Variants in F5 observed in about 807,000 individuals in gnomAD.
F5 encodes the protein coagulation factor V.
A neutral mutation model predicts 216.4 loss-of-function variants in F5; 138 were observed. That is an observed-to-expected ratio of 0.64 (90% CI 0.56 to 0.73). F5 has a LOEUF of 0.73. Ranked by LOEUF, F5 falls within the 30% of genes least tolerant of loss-of-function variation. The pLI is 0.00. For missense variants in F5, 2,403 were observed against 2,674.0 expected (o/e 0.90, Z 2.24); for synonymous variants, 916 against 930.7 (o/e 0.98, Z 0.29).
At position 169,555,342 on chromosome 1, in the gene F5, T is replaced by A. The variant is rs1409754449; in HGVS notation, c.958A>T (p.Met320Leu). Residue 320 changes from methionine to leucine, a missense_variant, in exon 7 of 25, where the codon ATG (methionine) becomes TTG (leucine). Around this residue, in one of 4 missense-constraint regions of F5, gnomAD observed 1,425 missense variants for 1,554.8 expected, o/e 0.92. Coordinates refer to ENST00000367797, the MANE Select transcript of F5 (RefSeq NM_000130.5). ...SLTPKHLQAG[M>L]QAYIDIKNCP... is the part of the protein sequence containing the mutation. ...TTTTTAATGTCAATGTAAGCCTGCA[T>A]CCCAGCTGAGTTAGGACAGAAAGAC... The A allele has an allele frequency of 1.2e-6, 2 of 1,613,924 alleles. No homozygotes were observed. Among genetic ancestry groups the A allele is most frequent in the Non-Finnish European group, 1.7e-6 (2 of 1,179,986 alleles).
Position 169,526,021 on chromosome 1 carries a change from A to G in F5, c.5600-4T>C. 1 of 1,594,804 alleles carries G rather than the reference A, an allele frequency of 6.3e-7. No individual in the cohort carries two copies. The highest frequency in any genetic ancestry group is 1.1e-5 in the South Asian group (1 of 90,650). On this transcript the variant is annotated splice_region_variant and splice_polypyrimidine_tract_variant and intron_variant, in intron 17 of 24. Coordinates refer to ENST00000367797, the MANE Select transcript of F5 (RefSeq NM_000130.5). ...ATTTCAAGAGTTTTAAATGAACCTA[A>G]AATAAAAAGAACAACATTACATTTG... is the stretch of plus-strand genomic sequence containing the variant.
At chr1:169,544,664 A>T in intron 11 of F5, 156 bp from the exon 12 acceptor site, 2 of 677,552 alleles carry the variant, frequency 3.0e-6, no homozygotes, top group Non-Finnish European at 5.2e-6. Context: ...TGACTAGAAG[A>T]TCAAACTCAG....
intron 5 of F5, among the ~76,000 whole-genome samples, chr1:169,558,112 G>A (rs958406517): frequency 3.9e-5 from 6 of 152,244 alleles, no homozygotes; most frequent in Admixed American, 2.0e-4. Flanking sequence ...ACTCTGCCAG[G>A]AAATAGATGT....
At chr1:169,571,785 G>A (rs927549753) in intron 3 of F5, among the ~76,000 whole-genome samples, 2 of 152,108 alleles carry the variant, frequency 1.3e-5, no homozygotes, top group Admixed American at 1.3e-4. Flanking sequence ...AAAAAAATAG[G>A]TATCGTCTAT....
At chr1:169,538,535 A>G (rs1659758310) in intron 13 of F5, among the ~76,000 whole-genome samples, 2 of 152,338 alleles carry the variant, frequency 1.3e-5, no homozygotes, top group South Asian at 2.1e-4. Context: ...GCCAATTCAC[A>G]ATTTATAAAT....
rs767725359 is a variant in F5, at chr1:169,540,850, C to T, written c.4240G>A (p.Asp1414Asn). 6.2e-7 allele frequency: 1 copy of T among 1,611,868 alleles called. No individual in the cohort carries two copies. The highest frequency in any genetic ancestry group is 8.5e-7 in the Non-Finnish European group (1 of 1,179,048). ...PDLDQMTLSP[D>N]LGETDLSPNF... ...GGGGAAAGATCTGTCTCACCAAGGT[C>T]TGGAGAAAGTGTCATCTGGTCGAGG... The change falls in exon 13 of 25, where the codon GAC (aspartate) becomes AAC (asparagine). Residue 1414 changes from aspartate (D) to asparagine (N), a missense_variant. This residue lies in a region of F5 where 293 missense variants were observed against 270.8 expected (regional missense o/e 1.08). Transcript: ENST00000367797.
At chr1:169,519,955 G>A (rs1659255219) in intron 22 of F5, among the ~76,000 whole-genome samples, 1 of 152,078 alleles carries the variant, frequency 6.6e-6, no homozygotes, top group African/African-American at 2.4e-5. Flanking sequence ...ATGATTACCT[G>A]GATTTATTTA....
chr1:169,542,216 T>C lies in F5; in HGVS notation c.2874A>G (p.Ile958Met), dbSNP rs1488740730. The C allele has an allele frequency of 4.3e-6, 7 of 1,614,110 alleles. No homozygotes were observed. Among genetic ancestry groups the C allele is most frequent in the South Asian group, 3.3e-5 (3 of 91,080 alleles). ...HLASEKGSYE[I>M]IQDTDEDTAV... ...CTGTGTCTTCATCAGTATCTTGGAT[T>C]ATTTCATAGCTACCTTTCTCAGAAG... Residue 958 changes from isoleucine (I) to methionine (M), a missense_variant, in exon 13 of 25, where the codon ATA becomes ATG. Physicochemically the swap from Ile to Met is conservative, Grantham distance 10 (BLOSUM62 1). Coordinates refer to ENST00000367797, the MANE Select transcript of F5 (RefSeq NM_000130.5).
intron 3 of F5, among the ~76,000 whole-genome samples, chr1:169,568,893 T>C (rs377488306): frequency 3.6e-4 from 55 of 152,244 alleles, no homozygotes; most frequent in African/African-American, 1.3e-3. Context: ...CTTATTTTTG[T>C]GAACAACTCT....
At chr1:169,557,950 A>T (rs976414757) in intron 5 of F5, among the ~76,000 whole-genome samples, 5 of 152,060 alleles carry the variant, frequency 3.3e-5, no homozygotes. Context: ...CTTAGTTTCT[A>T]CTGATGGTCT....
At chr1:169,567,150 A>C (rs1171195644) in intron 3 of F5, among the ~76,000 whole-genome samples, 3 of 151,652 alleles carry the variant, frequency 2.0e-5, no homozygotes, top group Non-Finnish European at 4.4e-5. Flanking sequence ...GTATCCTCAC[A>C]TGGTAGAAAG....
chr1:169,526,761 C>A (rs1417921469), intron 17 of F5, among the ~76,000 whole-genome samples: 2 of 152,042 alleles, frequency 1.3e-5, no homozygotes, highest in East Asian at 3.8e-4. Context: ...AGTCTGTCTG[C>A]AGGCTGATAG....
chr1:169,539,592 C>A (rs1449880483), intron 13 of F5, among the ~76,000 whole-genome samples: 2 of 152,146 alleles, frequency 1.3e-5, no homozygotes, highest in Non-Finnish European at 2.9e-5. Context: ...ATAAGTCACA[C>A]CATACATTGT....
In F5 at chr1:169,512,194, T is replaced by C. The variant is rs960860890; in HGVS notation, c.*2119A>G. Reference sequence around the variant, plus strand: ...AGGGATATGATCATTTGGTTTCTGGTTTCAGTTCTGACACTAACAAGCAAT... The same window carrying C: ...AGGGATATGATCATTTGGTTTCTGGCTTCAGTTCTGACACTAACAAGCAAT... On this transcript the variant is annotated 3_prime_UTR_variant, in exon 25 of 25. Coordinates refer to ENST00000367797, the MANE Select transcript of F5 (RefSeq NM_000130.5). 2.0e-5 allele frequency among the ~76,000 whole-genome samples: 3 copies of C among 152,026 alleles called. No individual in the cohort carries two copies. The highest frequency in any genetic ancestry group is 7.2e-5 in the African/African-American group (3 of 41,410).
intron 6 of F5, among the ~76,000 whole-genome samples, chr1:169,556,177 A>G (rs372352040): frequency 2.0e-5 from 3 of 152,224 alleles, no homozygotes; most frequent in East Asian, 3.9e-4. Flanking sequence ...TTCAACACAC[A>G]TTCATTGAGT....
chr1:169,533,665 C>T (rs930454597), intron 14 of F5, among the ~76,000 whole-genome samples: 2 of 152,060 alleles, frequency 1.3e-5, no homozygotes, highest in Non-Finnish European at 2.9e-5. Flanking sequence ...CACTAATCAT[C>T]AGAGAAATGC....
chr1:169,532,026 A>T (rs1335376082), intron 14 of F5, among the ~76,000 whole-genome samples: 1 of 152,212 alleles, frequency 6.6e-6, no homozygotes, highest in Non-Finnish European at 1.5e-5. Context: ...CATTCCTAGG[A>T]TGCAAAGTGG....
rs1206537026 is a variant in F5 at position 169,543,027 on chromosome 1, T to C, written c.2063A>G (p.Asp688Gly). The change falls in exon 13 of 25, where the codon GAT (aspartate) becomes GGT (glycine). Residue 688 changes from aspartate to glycine, a missense_variant. Physicochemically the swap from Asp to Gly is moderately conservative, Grantham distance 94. Coordinates refer to ENST00000367797, the MANE Select transcript of F5 (RefSeq NM_000130.5). The stretch of plus-strand genomic sequence containing the variant: ...AAAAATCTCATATGAGTCTTCATCA[T>C]CATCTGGGATACATTTAACATCCCT... ...KFRDVKCIPD[D>G]DEDSYEIFEP... The C allele has an allele frequency of 1.2e-6, 2 of 1,613,910 alleles. No individual in the cohort carries two copies. Among genetic ancestry groups the C allele is most frequent in the Non-Finnish European group, 1.7e-6 (2 of 1,179,942 alleles).
rs1166644972 is a variant in F5, at chr1:169,546,509, C to T, written c.1695G>A (p.Lys565=). Residue 565 remains lysine, a synonymous_variant, in exon 11 of 25, where the codon AAG becomes AAA. Coordinates refer to ENST00000367797, the MANE Select transcript of F5 (RefSeq NM_000130.5). ...TCACCTCATCAGGATTTTCACAAAA[C>T]TTGTTGATGTTGTCCTCAAGGTACC... is the stretch of plus-strand genomic sequence containing the variant. The part of the protein sequence containing the change: ...KSWYLEDNIN[K]FCENPDEVKR... 3 of 1,614,160 alleles carry T rather than the reference C, an allele frequency of 1.9e-6. No homozygotes were observed. The highest frequency in any genetic ancestry group is 2.7e-5 in the African/African-American group (2 of 75,038).
Sources: gnomAD v4.1 joint callset for allele counts (sites outside exome capture counted in the v4.1 genomes callset) on GRCh38, gnomAD v4.1.1 for gene constraint, gnomAD v4.1.1 regional missense constraint, MANE v1.5 for transcripts, NCBI Gene and HGNC (gene_info 2026-07-23, HGNC 2026-07-21) for gene names.